PRIMA1: variants seen among roughly 807,000 people sequenced by gnomAD.
PRIMA1 encodes the protein proline rich membrane anchor 1.
Under a neutral mutation model 17.5 loss-of-function variants are expected in PRIMA1, and 7 were observed. That is an observed-to-expected ratio of 0.40 (90% CI 0.23 to 0.75). The LOEUF is 0.75. Among genes scored for constraint, PRIMA1 ranks in the 30% least tolerant of loss-of-function variants. The pLI, the probability that PRIMA1 is intolerant of heterozygous loss-of-function variation, is 0.37. For synonymous variants in PRIMA1, 97 were observed against 77.9 expected (o/e 1.25, Z -1.29); for missense variants, 200 against 201.8 (o/e 0.99, Z 0.05).
chr14:93,763,626 G>A (rs556789002), intron 3 of PRIMA1, among the ~76,000 whole-genome samples: 18 of 152,322 alleles, frequency 1.2e-4, no homozygotes, highest in Admixed American at 5.2e-4. Flanking sequence ...AGGGAGGAGC[G>A]GGTAAGGGGC....
intron 2 of PRIMA1, among the ~76,000 whole-genome samples, chr14:93,782,652 TCA>T: frequency 6.6e-6 from 1 of 152,308 alleles, no homozygotes; most frequent in East Asian, 1.9e-4. Flanking sequence ...TCAATGGTTC[TCA>T]GTCTCTTACA....
At chr14:93,742,531 G>A (rs1039439687) in intron 3 of PRIMA1, among the ~76,000 whole-genome samples, 7 of 152,210 alleles carry the variant, frequency 4.6e-5, no homozygotes, top group Non-Finnish European at 7.3e-5. Context: ...GGTAGCTTTG[G>A]ATGTGCCCAC....
intron 3 of PRIMA1, among the ~76,000 whole-genome samples, chr14:93,754,399 G>A (rs1433839851): frequency 6.7e-6 from 1 of 148,510 alleles, no homozygotes. Context: ...CCTTGGTCCA[G>A]CATAAAAGAT....
intron 2 of PRIMA1, among the ~76,000 whole-genome samples, chr14:93,782,974 C>T (rs1370886431): frequency 1.3e-5 from 2 of 152,148 alleles, no homozygotes; most frequent in African/African-American, 2.4e-5. Context: ...CTATGTTGAC[C>T]AGACTGGTCT....
At chr14:93,722,963 T>C (rs1195766095) in intron 4 of PRIMA1, among the ~76,000 whole-genome samples, 1 of 152,006 alleles carries the variant, frequency 6.6e-6, no homozygotes, top group African/African-American at 2.4e-5. Flanking sequence ...TTCCTACGCA[T>C]ATAAGGGATC....
chr14:93,769,605 T>C (rs572204970), intron 3 of PRIMA1, among the ~76,000 whole-genome samples: 25 of 152,200 alleles, frequency 1.6e-4, no homozygotes, highest in Admixed American at 1.3e-4. Flanking sequence ...GCGGCATTCA[T>C]GAGGTTTCAT....
intron 3 of PRIMA1, among the ~76,000 whole-genome samples, chr14:93,770,366 C>T (rs11629174): frequency 0.6 from 91,333 of 152,160 alleles, 29,758 homozygotes; most frequent in Middle Eastern, 0.76. Flanking sequence ...CTAGCCTCCA[C>T]GGCCCTGTGC....
intron 2 of PRIMA1, among the ~76,000 whole-genome samples, chr14:93,784,483 A>G (rs190346644): frequency 2.4e-4 from 37 of 152,188 alleles, no homozygotes; most frequent in African/African-American, 7.5e-4. Flanking sequence ...TGAGATTTCT[A>G]AAATACCAAC....
chr14:93,721,081 G>A lies in PRIMA1; in HGVS notation c.*363C>T, dbSNP rs1169098794. On this transcript the variant is annotated 3_prime_UTR_variant, in exon 5 of 5. Transcript: ENST00000393140. ...GACCATCTTTCTTTTGGCTAAAGGG[G>A]GAAGCCTCCCTGCCACAGTAGAAAG... is the stretch of plus-strand genomic sequence containing the variant. The A allele has an allele frequency of 5.0e-6, 1 of 198,184 alleles. No individual in the cohort carries two copies. The highest frequency in any genetic ancestry group is 2.3e-5 in the African/African-American group (1 of 43,016). 12.3% of individuals were successfully genotyped at this position (198,184 alleles called of 1,614,324 possible). A position where few individuals can be genotyped will look rare whatever the true frequency, so the allele number is the denominator to read the frequency against.
At chr14:93,764,185 C>T (rs1292731025) in intron 3 of PRIMA1, among the ~76,000 whole-genome samples, 15 of 151,954 alleles carry the variant, frequency 9.9e-5, no homozygotes, top group African/African-American at 1.9e-4. Context: ...GGGCTTGGCC[C>T]GCCCTCACCC....
At position 93,752,847 on chromosome 14, in the gene PRIMA1, T is replaced by G. The variant is rs112860544; in HGVS notation, c.230-15477A>C. Reference sequence around the variant, plus strand: ...CACCTCTCTGGACATCAAATGCCCATCTGCCCAATGGGAGTGGTGACCTTG... The same window carrying G: ...CACCTCTCTGGACATCAAATGCCCAGCTGCCCAATGGGAGTGGTGACCTTG... On this transcript the variant is annotated intron_variant, in intron 3 of 4. Coordinates refer to ENST00000393140, the MANE Select transcript of PRIMA1 (RefSeq NM_178013.4). Among the ~76,000 whole-genome samples the G allele has an allele frequency of 3.5e-3, 527 of 152,354 alleles. 3 individuals carry two copies. The highest frequency in any genetic ancestry group is 0.014 in the Middle Eastern group (4 of 294).
chr14:93,788,440 G>C lies in PRIMA1; in HGVS notation c.-62C>G, dbSNP rs1885594593. 1.3e-5 allele frequency: 2 copies of C among 152,346 alleles called. No individual in the cohort carries two copies. Among genetic ancestry groups the C allele is most frequent in the Non-Finnish European group, 2.9e-5 (2 of 68,146 alleles). The allele number at this position is 152,346 out of a possible 1,614,324, so 9.4% of individuals were successfully genotyped here. A position where few individuals can be genotyped will look rare whatever the true frequency, so the allele number is the denominator to read the frequency against. On this transcript the variant is annotated 5_prime_UTR_variant, in exon 1 of 5. Transcript: ENST00000393140. Reference sequence around the variant, plus strand: ...CTGGCGGCGGCCCCAGCCGACCCTGGGCTCGGGGAAAAGAGGTCCGCGTTC... The same window carrying C: ...CTGGCGGCGGCCCCAGCCGACCCTGCGCTCGGGGAAAAGAGGTCCGCGTTC...
intron 4 of PRIMA1, among the ~76,000 whole-genome samples, chr14:93,728,091 G>A (rs956504872): frequency 2.6e-5 from 4 of 152,122 alleles, no homozygotes; most frequent in South Asian, 2.1e-4. Flanking sequence ...CCCCTCCCCC[G>A]GACTCCCCAA....
chr14:93,770,443 G>A (rs992012339), intron 3 of PRIMA1, among the ~76,000 whole-genome samples: 4 of 152,162 alleles, frequency 2.6e-5, no homozygotes, highest in African/African-American at 9.7e-5. Flanking sequence ...CAGCAGCCAC[G>A]CTGGCTCTTC....
chr14:93,718,329 A>T lies in PRIMA1; in HGVS notation c.*3115T>A, dbSNP rs932456922. ...TCTATATTTTTATTGAAAATAAAAA[A>T]GTCATGGTGCTTTCTTCCTCATAAG... On this transcript the variant is annotated 3_prime_UTR_variant, in exon 5 of 5. Transcript: ENST00000393140. 6.6e-6 allele frequency: 1 copy of T among 152,186 alleles called. No homozygotes were observed. The highest frequency in any genetic ancestry group is 2.4e-5 in the African/African-American group (1 of 41,412). The allele number at this position is 152,186 out of a possible 1,614,324, so 9.4% of individuals were successfully genotyped here.
At chr14:93,742,259 G>C in intron 3 of PRIMA1, among the ~76,000 whole-genome samples, 1 of 152,220 alleles carries the variant, frequency 6.6e-6, no homozygotes. Context: ...TCACTGCCTT[G>C]AGAGAGTTTC....
rs536477062 is a variant in PRIMA1 at position 93,726,256 on chromosome 14, A to G, written c.360-4710T>C. ...TTTGGCCTGGGCAAGGAGGGCCAGG[A>G]CCCAGGTACCCCTCTTAGGCCCTGC... On this transcript the variant is annotated intron_variant, in intron 4 of 4. Coordinates refer to ENST00000393140, the MANE Select transcript of PRIMA1 (RefSeq NM_178013.4). The surrounding 1 kb of genome is among the most constrained non-coding windows in gnomAD (Gnocchi z 4.2). Among the ~76,000 whole-genome samples the G allele has an allele frequency of 3.2e-4, 48 of 152,130 alleles. No homozygotes were observed. The highest frequency in any genetic ancestry group is 5.7e-4 in the Non-Finnish European group (39 of 68,006).
intron 3 of PRIMA1, among the ~76,000 whole-genome samples, chr14:93,771,140 A>ATG (rs60962010): frequency 0.21 from 31,940 of 151,548 alleles, 3,570 homozygotes; most frequent in Non-Finnish European, 0.24. Context: ...ATGTGCACGT[A>ATG]TGTGTGTGTG....
chr14:93,782,283 A>C (rs200480912), intron 2 of PRIMA1, among the ~76,000 whole-genome samples: 43,558 of 150,344 alleles, frequency 0.29, 6,672 homozygotes, highest in Middle Eastern at 0.4. Context: ...TAAATAAATA[A>C]ATAAATAAAT....
Sources: allele counts gnomAD v4.1 joint callset (sites outside exome capture counted in the v4.1 genomes callset), GRCh38; gene constraint gnomAD v4.1.1; non-coding constraint Gnocchi (gnomAD v3.1); transcripts MANE v1.5; gene names NCBI Gene and HGNC (gene_info 2026-07-23, HGNC 2026-07-21).